Variants in RBFOX1 observed in about 807,000 individuals in gnomAD.
The protein encoded by RBFOX1 is RNA binding protein fox-1 homolog 1.
RBFOX1 carries 8 observed loss-of-function variants against 57.7 expected under a neutral mutation model. The ratio of observed to expected loss-of-function variants is 0.14; its 90% CI spans 0.08 to 0.25. The LOEUF is 0.25. RBFOX1 is among the 10% of genes least tolerant of loss of function. The probability of loss-of-function intolerance (pLI) is 1.00; values close to 1 mark genes in which losing one functional copy is unlikely to be tolerated. For missense variants in RBFOX1, 611 were observed against 548.5 expected, an observed-to-expected ratio of 1.11 and a Z score of -1.14; for synonymous variants, 326 against 222.4, an observed-to-expected ratio of 1.47 and a Z score of -4.15.
At chr16:7,215,661 C>A (rs1176558912) in intron 4 of RBFOX1, among the ~76,000 whole-genome samples, 1 of 152,016 alleles carries the variant, frequency 6.6e-6, no homozygotes, top group Admixed American at 6.6e-5. Context: ...ATTTCTTCCC[C>A]CAGTTCCCCA....
chr16:6,401,170 A>T (rs375139564), intron 2 of RBFOX1, among the ~76,000 whole-genome samples: 2 of 152,166 alleles, frequency 1.3e-5, no homozygotes, highest in African/African-American at 2.4e-5. Context: ...TTTGCCAGAA[A>T]GTCAGGAATA....
At chr16:6,715,551 C>A (rs1034550721) in intron 3 of RBFOX1, among the ~76,000 whole-genome samples, 1 of 152,162 alleles carries the variant, frequency 6.6e-6, no homozygotes, top group Non-Finnish European at 1.5e-5. Flanking sequence ...GCCTCCATCG[C>A]TGAAAACTCC....
At chr16:6,974,356 TTTTTTTGCG>T (rs2086303095) in intron 3 of RBFOX1, among the ~76,000 whole-genome samples, 1 of 135,032 alleles carries the variant, frequency 7.4e-6, no homozygotes, top group South Asian at 2.5e-4. Context: ...TTTTTTTTTT[TTTTTTTGCG>T]ATAGAGTCTT....
chr16:7,376,726 C>G (rs1480925148), intron 4 of RBFOX1, among the ~76,000 whole-genome samples: 1 of 152,086 alleles, frequency 6.6e-6, no homozygotes, highest in African/African-American at 2.4e-5. Flanking sequence ...TATAATTAAT[C>G]CAGGTTTTAG....
chr16:7,232,919 A>C (rs750837426), intron 4 of RBFOX1, among the ~76,000 whole-genome samples: 39 of 151,844 alleles, frequency 2.6e-4, no homozygotes, highest in Non-Finnish European at 5.3e-4. Flanking sequence ...TGATGTTAGC[A>C]AACCCTGTCA....
At chr16:6,034,581 A>G (rs1364174110) in intron 1 of RBFOX1, among the ~76,000 whole-genome samples, 2 of 152,076 alleles carry the variant, frequency 1.3e-5, no homozygotes, top group Non-Finnish European at 2.9e-5. Context: ...CCATCTAAGC[A>G]TGAAGGCAGA....
intron 3 of RBFOX1, among the ~76,000 whole-genome samples, chr16:6,920,663 C>T (rs778546777): frequency 6.6e-6 from 1 of 152,160 alleles, no homozygotes; most frequent in South Asian, 2.1e-4. Context: ...TTTCATACCT[C>T]TTCCCTAGTT....
intron 9 of RBFOX1, among the ~76,000 whole-genome samples, chr16:7,598,124 G>A (rs1372128411): frequency 6.6e-6 from 1 of 152,114 alleles, no homozygotes; most frequent in East Asian, 1.9e-4. Context: ...CTCAAAATAA[G>A]TATCTCTTAA....
intron 1 of RBFOX1, among the ~76,000 whole-genome samples, chr16:5,411,099 T>C (rs1228341109): frequency 2.0e-5 from 3 of 152,214 alleles, no homozygotes; most frequent in African/African-American, 4.8e-5. Context: ...TCAAGTATTT[T>C]GCATGTGGGA....
At position 6,780,007 on chromosome 16, in the gene RBFOX1, TTA is replaced by T. The variant is rs1267272270; in HGVS notation, c.-16+125365_-16+125366del. ...TATATATTTATATATTTATATATAT[TTA>T]TATATATTTATATATTTATATATAT... is the stretch of plus-strand genomic sequence containing the variant. On this transcript the variant is annotated intron_variant, in intron 3 of 15. Coordinates refer to ENST00000550418, the MANE Select transcript of RBFOX1 (RefSeq NM_018723.4). Among the ~76,000 whole-genome samples the T allele has an allele frequency of 2.3e-3, 52 of 22,260 alleles. 2 individuals are homozygous for T. Among genetic ancestry groups the T allele is most frequent in the Middle Eastern group, 0.059 (2 of 34 alleles). The allele number at this position is 22,260 out of a possible 152,430, so 14.6% of individuals were successfully genotyped here. A position where few individuals can be genotyped will look rare whatever the true frequency, so the allele number is the denominator to read the frequency against.
chr16:5,790,840 A>G (rs1597266839), intron 3 of RBFOX1, among the ~76,000 whole-genome samples: 1 of 148,332 alleles, frequency 6.7e-6, no homozygotes, highest in African/African-American at 2.5e-5. Context: ...CGTTTTGGGG[A>G]TGTAGATGGT....
chr16:6,416,590 C>A (rs566466811), intron 2 of RBFOX1, among the ~76,000 whole-genome samples: 19 of 152,124 alleles, frequency 1.2e-4, no homozygotes, highest in African/African-American at 4.3e-4. Flanking sequence ...GCTTCTTGTA[C>A]AAGGGTGATT....
chr16:5,896,963 A>AT (rs1167784395), intron 4 of RBFOX1, among the ~76,000 whole-genome samples: 6 of 121,192 alleles, frequency 5.0e-5, no homozygotes, highest in South Asian at 5.2e-4. Context: ...TACCCCCGCT[A>AT]TTTTTTTAAA....
chr16:7,241,326 A>G lies in RBFOX1; in HGVS notation c.27+189228A>G, dbSNP rs115651617. Among the ~76,000 whole-genome samples the G allele has an allele frequency of 1.9e-3, 286 of 152,262 alleles. 1 individual carries two copies. The highest frequency in any genetic ancestry group is 6.5e-3 in the African/African-American group (271 of 41,558). On this transcript the variant is annotated intron_variant, in intron 4 of 15. Coordinates refer to ENST00000550418, the MANE Select transcript of RBFOX1 (RefSeq NM_018723.4). ...AGTAATGGGTGTGGCCCAAGCAGGA[A>G]GCAGGTCACCTCCTGGCCCGTTGGA...
intron 4 of RBFOX1, among the ~76,000 whole-genome samples, chr16:7,321,258 C>T (rs1192203789): frequency 1.3e-5 from 2 of 152,062 alleles, no homozygotes; most frequent in Admixed American, 6.6e-5. Context: ...GATTGTCCTG[C>T]ATCAGCCTCC....
chr16:6,069,423 G>A (rs1016419567), intron 1 of RBFOX1, among the ~76,000 whole-genome samples: 1 of 150,874 alleles, frequency 6.6e-6, no homozygotes, highest in African/African-American at 2.4e-5. Context: ...AAAAGGGAGG[G>A]GATAAAGGGG....
chr16:7,447,824 GT>G (rs1555461676), intron 4 of RBFOX1, among the ~76,000 whole-genome samples: 1 of 152,242 alleles, frequency 6.6e-6, no homozygotes, highest in Non-Finnish European at 1.5e-5. Flanking sequence ...GTGGAATGTA[GT>G]TGAATTAACC....
chr16:5,888,231 C>T (rs2057948599), intron 4 of RBFOX1, among the ~76,000 whole-genome samples: 2 of 152,290 alleles, frequency 1.3e-5, no homozygotes, highest in South Asian at 4.2e-4. Flanking sequence ...CCCTAATTGG[C>T]TTTCCACTTG....
chr16:7,600,485 C>T (rs556307199), intron 9 of RBFOX1, among the ~76,000 whole-genome samples: 2 of 152,090 alleles, frequency 1.3e-5, no homozygotes, highest in East Asian at 1.9e-4. Flanking sequence ...ATAAGCAAGA[C>T]GATAGAGTTA....
Sources: allele counts gnomAD v4.1 joint callset (sites outside exome capture counted in the v4.1 genomes callset), GRCh38; gene constraint gnomAD v4.1.1; transcripts MANE v1.5; gene names NCBI Gene and HGNC (gene_info 2026-07-23, HGNC 2026-07-21).